DPH6: variants seen among roughly 807,000 people sequenced by gnomAD.
DPH6 encodes diphthamine biosynthesis 6, also known as diphthine--ammonia ligase.
In DPH6, 33 loss-of-function variants were observed where a neutral mutation model predicts 38.2. The observed-to-expected ratio is 0.86, with a 90% CI of 0.65 to 1.15. DPH6 has a LOEUF of 1.15. DPH6 is among the 50% of genes most tolerant of loss of function. The probability of loss-of-function intolerance (pLI) is 0.00; values close to 1 mark genes in which losing one functional copy is unlikely to be tolerated. For synonymous variants in DPH6, 108 were observed against 103.0 expected, an observed-to-expected ratio of 1.05 and a Z score of -0.30; for missense variants, 325 against 320.0, an observed-to-expected ratio of 1.02 and a Z score of -0.12.
At chr15:35,277,049 C>G (rs1338393593) in intron 3 of DPH6, among the ~76,000 whole-genome samples, 1 of 152,144 alleles carries the variant, frequency 6.6e-6, no homozygotes, top group African/African-American at 2.4e-5. Context: ...ATTGATTCTA[C>G]CCATCCATGA....
At chr15:35,202,060 T>A in the DPH6 span, among the ~76,000 whole-genome samples, 1 of 151,858 alleles carries the variant, frequency 6.6e-6, no homozygotes, top group Non-Finnish European at 1.5e-5. Context: ...ACATCTTTTA[T>A]AAGTTCATTG....
chr15:35,225,895 G>A (rs1302469547), intron 3 of DPH6, among the ~76,000 whole-genome samples: 2 of 152,132 alleles, frequency 1.3e-5, no homozygotes, highest in Non-Finnish European at 2.9e-5. Context: ...AAAATCATAC[G>A]ATTGTCAAAA....
chr15:35,315,070 C>T (rs1324001273), intron 3 of DPH6, among the ~76,000 whole-genome samples: 1 of 152,160 alleles, frequency 6.6e-6, no homozygotes, highest in African/African-American at 2.4e-5. Flanking sequence ...GAACCAAAAA[C>T]TGCAATGCCT....
intron 3 of DPH6, among the ~76,000 whole-genome samples, chr15:35,227,724 T>C (rs2051492174): frequency 6.6e-6 from 1 of 152,070 alleles, no homozygotes; most frequent in Non-Finnish European, 1.5e-5. Flanking sequence ...AGGATGTTTA[T>C]TTGGTTTTTC....
At chr15:35,372,762 T>A (rs535053008) in intron 8 of DPH6, among the ~76,000 whole-genome samples, 1 of 152,056 alleles carries the variant, frequency 6.6e-6, no homozygotes, top group South Asian at 2.1e-4. Context: ...TTGTTAATCC[T>A]CTTACTCCTT....
At chr15:35,338,738 T>C (rs1414392969) in intron 3 of DPH6, among the ~76,000 whole-genome samples, 1 of 152,172 alleles carries the variant, frequency 6.6e-6, no homozygotes, top group Non-Finnish European at 1.5e-5. Flanking sequence ...CACACGTATG[T>C]TTATTGCGGC....
chr15:35,507,169 T>C (rs911542116), intron 3 of DPH6, among the ~76,000 whole-genome samples: 1 of 152,082 alleles, frequency 6.6e-6, no homozygotes, highest in African/African-American at 2.4e-5. Context: ...ACACTAATAT[T>C]TGATCTATAA....
At chr15:35,446,324 A>G (rs1183492914) in intron 5 of DPH6, among the ~76,000 whole-genome samples, 1 of 144,760 alleles carries the variant, frequency 6.9e-6, no homozygotes, top group African/African-American at 2.6e-5. Flanking sequence ...TTGACTTCCC[A>G]GGCTCAAGTG....
intron 3 of DPH6, among the ~76,000 whole-genome samples, chr15:35,532,463 T>C (rs193015706): frequency 3.3e-5 from 5 of 152,178 alleles, no homozygotes; most frequent in Admixed American, 1.3e-4. Context: ...GCTGGAGCTA[T>C]AATGGTGATG....
At chr15:35,213,232 G>T (rs1296219037), downstream of DPH6, among the ~76,000 whole-genome samples, 1 of 152,132 alleles carries the variant, frequency 6.6e-6, no homozygotes, top group African/African-American at 2.4e-5. Context: ...CAGGGGAAAT[G>T]ATCTCCTATT....
chr15:35,246,536 G>A (rs1399981167), intron 3 of DPH6, among the ~76,000 whole-genome samples: 1 of 152,094 alleles, frequency 6.6e-6, no homozygotes, highest in East Asian at 1.9e-4. Context: ...TGGGATTAGC[G>A]CCAGACTGCA....
chr15:35,341,011 C>G (rs1438361061), intron 3 of DPH6, among the ~76,000 whole-genome samples: 1 of 152,034 alleles, frequency 6.6e-6, no homozygotes, highest in Non-Finnish European at 1.5e-5. Context: ...TTTATGGGTA[C>G]CCTGATCAAT....
In DPH6 at chr15:35,381,585, G is replaced by C. The variant is rs73376788; in HGVS notation, c.662+237C>G. Among the ~76,000 whole-genome samples, 4,674 of 152,258 alleles carry C rather than the reference G, an allele frequency of 0.031. 244 individuals are homozygous for C. Among genetic ancestry groups the C allele is most frequent in the African/African-American group, 0.11 (4,439 of 41,516 alleles). The stretch of plus-strand genomic sequence containing the variant: ...CCAGTTTTACTGCAGGCCATAATCA[G>C]CAAGTAAACGAAAGTGCAATGTCTA... On this transcript the variant is annotated intron_variant, in intron 7 of 8. Coordinates refer to ENST00000256538, the MANE Select transcript of DPH6 (RefSeq NM_080650.4).
chr15:35,196,052 T>C, the DPH6 span, among the ~76,000 whole-genome samples: 1 of 152,200 alleles, frequency 6.6e-6, no homozygotes, highest in East Asian at 1.9e-4. Context: ...CAAGTCTTGA[T>C]AAAATGAGGT....
At chr15:35,198,083 T>C in the DPH6 span, among the ~76,000 whole-genome samples, 3 of 151,684 alleles carry the variant, frequency 2.0e-5, no homozygotes, top group Admixed American at 1.3e-4. Context: ...CTTTATTTTA[T>C]TGCAATTTAA....
intron 3 of DPH6, among the ~76,000 whole-genome samples, chr15:35,307,525 T>C (rs1216484802): frequency 6.6e-6 from 1 of 152,068 alleles, no homozygotes; most frequent in East Asian, 1.9e-4. Context: ...AACAACAGTA[T>C]AAAGGATATC....
the DPH6 span, among the ~76,000 whole-genome samples, chr15:35,187,907 C>T: frequency 9.8e-5 from 15 of 152,332 alleles, no homozygotes; most frequent in South Asian, 1.9e-3. Flanking sequence ...CTTTGGGAGG[C>T]TAAGGCAGGC....
intron 5 of DPH6, among the ~76,000 whole-genome samples, chr15:35,436,553 C>T (rs2053717934): frequency 6.7e-6 from 1 of 148,444 alleles, no homozygotes; most frequent in African/African-American, 2.5e-5. Flanking sequence ...GCACTCCAGC[C>T]TGGGTGACAG....
At chr15:35,370,177 T>C (rs1223490396), downstream of DPH6, among the ~76,000 whole-genome samples, 2 of 151,766 alleles carry the variant, frequency 1.3e-5, no homozygotes, top group Admixed American at 6.6e-5. Context: ...ATAGATGTTA[T>C]GTCCTTTACA....
Sources: allele counts gnomAD v4.1 joint callset (sites outside exome capture counted in the v4.1 genomes callset), GRCh38; gene constraint gnomAD v4.1.1; transcripts MANE v1.5; gene names NCBI Gene and HGNC (gene_info 2026-07-23, HGNC 2026-07-21).